The following CRYBB2 variants were observed in gnomAD, a reference collection of about 807,000 sequenced individuals.
The protein encoded by CRYBB2 is beta-crystallin B2.
A neutral mutation model predicts 24.3 loss-of-function variants in CRYBB2; 12 were observed. The observed-to-expected ratio is 0.49, with a 90% CI of 0.32 to 0.80. The LOEUF (loss-of-function observed/expected upper bound fraction) is 0.80, where lower values mean the gene tolerates loss of function less well. Ranked by LOEUF, CRYBB2 falls within the 30% of genes least tolerant of loss-of-function variation. The probability of loss-of-function intolerance (pLI) is 0.04; values close to 1 mark genes in which losing one functional copy is unlikely to be tolerated. For synonymous variants in CRYBB2, 98 were observed against 101.6 expected (o/e 0.96, Z 0.21); for missense variants, 198 against 268.5 (o/e 0.74, Z 1.83).
chr22:25,214,999 T>C (rs1935148869), upstream of CRYBB2, among the ~76,000 whole-genome samples: 1 of 152,162 alleles, frequency 6.6e-6, no homozygotes, highest in South Asian at 2.1e-4. Context: ...AATAATAGGT[T>C]GGTGCAAAAG....
chr22:25,218,279 A>C (rs566097259), upstream of CRYBB2, among the ~76,000 whole-genome samples: 12 of 150,090 alleles, frequency 8.0e-5, no homozygotes, highest in Non-Finnish European at 1.5e-4. Context: ...AAAATAGAAA[A>C]GAAATGTGAG....
upstream of CRYBB2, among the ~76,000 whole-genome samples, chr22:25,216,367 T>G (rs1935169616): frequency 6.6e-6 from 1 of 152,142 alleles, no homozygotes; most frequent in Admixed American, 6.5e-5. Flanking sequence ...GCACAGAAAT[T>G]TAGACATAGA....
At chr22:25,217,686 CA>C (rs1266522163), upstream of CRYBB2, among the ~76,000 whole-genome samples, 3 of 152,138 alleles carry the variant, frequency 2.0e-5, no homozygotes, top group African/African-American at 7.2e-5. Flanking sequence ...CATGGTAAAC[CA>C]GGGGGACAAC....
rs141158638 is a variant in CRYBB2, at chr22:25,231,727, C to T, written c.573C>T (p.Arg191=). The T allele has an allele frequency of 1.1e-4, 184 of 1,614,104 alleles. No homozygotes were observed. The African/African-American group carries it at 1.5e-3, about 13-fold the overall frequency. ...AGGTGCAGTCCGTGCGCCGTATCCG[C>T]GACATGCAGTGGCACCAACGTGGTG... ...HPQVQSVRRI[R]DMQWHQRGAF... is the part of the protein sequence containing the mutation. Residue 191 remains arginine (R), a synonymous_variant, in exon 6 of 6, where the codon CGC becomes CGT. Coordinates refer to ENST00000398215, the MANE Select transcript of CRYBB2 (RefSeq NM_000496.3).
intron 2 of CRYBB2, 133 bp from the exon 3 acceptor site, chr22:25,224,785 A>G: frequency 1.3e-6 from 1 of 764,410 alleles, no homozygotes; most frequent in Non-Finnish European, 2.4e-6. Flanking sequence ...GTTTGATTTT[A>G]TGTTTGATTT....
intron 4 of CRYBB2, among the ~76,000 whole-genome samples, chr22:25,228,655 G>A (rs1935466625): frequency 6.6e-6 from 1 of 152,216 alleles, no homozygotes; most frequent in African/African-American, 2.4e-5. Context: ...CCACAGACCT[G>A]GGTTCCCAAG....
Position 25,227,988 on chromosome 22 carries a change from G to A in CRYBB2, c.306+3G>A, listed in dbSNP as rs1935452962. On this transcript the variant is annotated splice_donor_region_variant and intron_variant, in intron 4 of 5. Transcript: ENST00000398215. ...GCTCCCTGAGGCCCATCAAAGTGGT[G>A]AGCCCCCTGCCATCACCCTACTCCC... The A allele has an allele frequency of 6.2e-7, 1 of 1,613,962 alleles. No homozygotes were observed. The highest frequency in any genetic ancestry group is 1.3e-5 in the African/African-American group (1 of 74,896).
chr22:25,222,396 G>C (rs1316702341), intron 2 of CRYBB2, among the ~76,000 whole-genome samples: 4 of 152,236 alleles, frequency 2.6e-5, no homozygotes, highest in African/African-American at 9.6e-5. Context: ...CAGTGGTTGT[G>C]TTAGCTCAGG....
upstream of CRYBB2, among the ~76,000 whole-genome samples, chr22:25,218,223 C>T (rs1490327486): frequency 7.3e-5 from 11 of 150,404 alleles, no homozygotes; most frequent in African/African-American, 1.5e-4. Flanking sequence ...CGTGCCACTG[C>T]ACTCCAGCCT....
chr22:25,218,132 G>A (rs191999788), upstream of CRYBB2, among the ~76,000 whole-genome samples: 403 of 151,004 alleles, frequency 2.7e-3, 4 homozygotes, highest in African/African-American at 9.1e-3. Context: ...GTTGGCGGGC[G>A]CCTGTAGTCC....
intron 1 of CRYBB2, 77 bp downstream of exon 1, chr22:25,219,743 A>G (rs8136087): frequency 0.32 from 49,152 of 151,980 alleles, 9,195 homozygotes; most frequent in African/African-American, 0.52. Flanking sequence ...GAGCACCCAG[A>G]TTCTGACAAG....
At chr22:25,228,173 C>G (rs980165305) in intron 4 of CRYBB2, among the ~76,000 whole-genome samples, 188 bp downstream of exon 4, 2 of 150,376 alleles carry the variant, frequency 1.3e-5, no homozygotes, top group Admixed American at 6.6e-5. Context: ...CCCTGAGCCT[C>G]AGTTTCTTCA....
chr22:25,217,408 C>T (rs964867382), upstream of CRYBB2, among the ~76,000 whole-genome samples: 9 of 152,218 alleles, frequency 5.9e-5, no homozygotes, highest in Admixed American at 2.6e-4. Flanking sequence ...TCCTCTGCCT[C>T]GTGGGTTCAA....
intron 4 of CRYBB2, among the ~76,000 whole-genome samples, chr22:25,228,549 G>A (rs1935463589): frequency 1.3e-5 from 2 of 151,980 alleles, no homozygotes; most frequent in Non-Finnish European, 1.5e-5. Flanking sequence ...AGGGGACAGG[G>A]CCCATCACTG....
chr22:25,218,838 G>GAAAGAAAGAAAGAAAGAAAA (rs386365958), upstream of CRYBB2, among the ~76,000 whole-genome samples: 2 of 97,992 alleles, frequency 2.0e-5, no homozygotes, highest in Non-Finnish European at 4.1e-5. Context: ...AAGAAAGAAA[G>GAAAGAAAGAAAGAAAGAAAA]AGAAAGAAAG....
chr22:25,224,957 C>A lies in CRYBB2; in HGVS notation c.94C>A (p.His32Asn). The A allele has an allele frequency of 6.2e-7, 1 of 1,612,466 alleles. No individual in the cohort carries two copies. The highest frequency in any genetic ancestry group is 8.5e-7 in the Non-Finnish European group (1 of 1,178,452). ...FEQENFQGHS[H>N]ELNGPCPNLK... ...GCAGGAAAACTTTCAAGGCCACTCGCATGAGCTCAATGGGCCCTGCCCCAA... is the reference window on the plus strand; with the variant it reads ...GCAGGAAAACTTTCAAGGCCACTCGAATGAGCTCAATGGGCCCTGCCCCAA... Residue 32 changes from histidine (H) to asparagine (N), a missense_variant, in exon 3 of 6, where the codon CAT (histidine) becomes AAT (asparagine). His to Asn is a moderately conservative substitution (Grantham distance 68). Coordinates refer to ENST00000398215, the MANE Select transcript of CRYBB2 (RefSeq NM_000496.3).
Position 25,231,701 on chromosome 22 carries a change from C to A in CRYBB2, c.547C>A (p.Gln183Lys), listed in dbSNP as rs759396008. The A allele has an allele frequency of 2.5e-5, 40 of 1,614,050 alleles. No homozygotes were observed. Among genetic ancestry groups the A allele is most frequent in the Admixed American group, 5.0e-5 (3 of 60,010 alleles). Reference sequence around the variant, plus strand: ...CAGCGACTTTGGGGCCCCTCACCCCCAGGTGCAGTCCGTGCGCCGTATCCG... The same window carrying A: ...CAGCGACTTTGGGGCCCCTCACCCCAAGGTGCAGTCCGTGCGCCGTATCCG... Reference protein sequence around the residue: ...DSSDFGAPHPQVQSVRRIRDM... With the variant: ...DSSDFGAPHPKVQSVRRIRDM... The change falls in exon 6 of 6, where the codon CAG (glutamine) becomes AAG (lysine). Residue 183 changes from glutamine (Q) to lysine (K), a missense_variant. Gln to Lys is a moderately conservative substitution (Grantham distance 53, BLOSUM62 1). Transcript: ENST00000398215.
chr22:25,215,672 T>A (rs182723084), upstream of CRYBB2, among the ~76,000 whole-genome samples: 1 of 152,312 alleles, frequency 6.6e-6, no homozygotes, highest in Non-Finnish European at 1.5e-5. Flanking sequence ...TTCCCAGAGC[T>A]CAGTAGGAAG....
chr22:25,216,006 A>G (rs1191825203), upstream of CRYBB2, among the ~76,000 whole-genome samples: 1 of 152,240 alleles, frequency 6.6e-6, no homozygotes, highest in Non-Finnish European at 1.5e-5. Flanking sequence ...ATCAATAAAT[A>G]CAATACTTAC....
Sources: gnomAD v4.1 joint callset for allele counts (sites outside exome capture counted in the v4.1 genomes callset) on GRCh38, gnomAD v4.1.1 for gene constraint, MANE v1.5 for transcripts, NCBI Gene and HGNC (gene_info 2026-07-23, HGNC 2026-07-21) for gene names.